NYAP2: variants seen among roughly 807,000 people sequenced by gnomAD.
The protein encoded by NYAP2 is neuronal tyrosine-phosphorylated phosphoinositide-3-kinase adaptor 2.
NYAP2 carries 23 observed loss-of-function variants against 50.4 expected under a neutral mutation model. The observed-to-expected ratio is 0.46, with a 90% CI of 0.33 to 0.65. NYAP2 has a LOEUF of 0.65. Ranked by LOEUF, NYAP2 falls within the 30% of genes least tolerant of loss-of-function variation. The pLI is 0.02. For missense variants in NYAP2, 885 were observed against 861.0 expected, an observed-to-expected ratio of 1.03 and a Z score of -0.35; for synonymous variants, 394 against 365.2, an observed-to-expected ratio of 1.08 and a Z score of -0.90.
At chr2:225,652,384 G>T (rs1346019299) in exon 7 of NYAP2, 3 of 152,148 alleles carry the variant, frequency 2.0e-5, no homozygotes, top group Non-Finnish European at 4.4e-5. Flanking sequence ...TTGGAGAAAA[G>T]AGACAAGAAA....
chr2:225,409,089 A>C, exon 3 of NYAP2: 1 of 1,591,736 alleles, frequency 6.3e-7, no homozygotes, highest in Non-Finnish European at 8.6e-7. Flanking sequence ...AGACAAGAAG[A>C]AGCAATAAAG....
chr2:225,606,403 T>C (rs762929472), intron 5 of NYAP2, among the ~76,000 whole-genome samples: 16 of 152,176 alleles, frequency 1.1e-4, no homozygotes, highest in Non-Finnish European at 1.9e-4. Context: ...AATGTGGTAA[T>C]AGCCCATGCA....
chr2:225,546,747 C>T (rs1196592239), intron 4 of NYAP2, among the ~76,000 whole-genome samples: 1 of 152,042 alleles, frequency 6.6e-6, no homozygotes, highest in Non-Finnish European at 1.5e-5. Context: ...CTGGTTTTCT[C>T]AAGCAGAAGG....
At chr2:225,485,368 C>A (rs992761638) in intron 3 of NYAP2, among the ~76,000 whole-genome samples, 4 of 152,178 alleles carry the variant, frequency 2.6e-5, no homozygotes, top group Non-Finnish European at 5.9e-5. Flanking sequence ...TTATTAACAG[C>A]ATGAGAACTG....
chr2:225,655,927 C>CACACACACACACAT (rs1553561178), downstream of NYAP2, among the ~76,000 whole-genome samples: 1 of 97,184 alleles, frequency 1.0e-5, no homozygotes, highest in Non-Finnish European at 2.4e-5. Flanking sequence ...CACACACACA[C>CACACACACACACAT]ATACACACAT....
chr2:225,543,514 T>C (rs1232646128), intron 4 of NYAP2, among the ~76,000 whole-genome samples: 4 of 152,082 alleles, frequency 2.6e-5, no homozygotes, highest in African/African-American at 9.6e-5. Context: ...TTGGACCCAC[T>C]GGTCATTCAG....
chr2:225,467,127 A>C (rs1039582448), intron 3 of NYAP2, among the ~76,000 whole-genome samples: 1 of 151,952 alleles, frequency 6.6e-6, no homozygotes, highest in African/African-American at 2.4e-5. Context: ...AGTGCTTGGG[A>C]GGAGAACATG....
At chr2:225,566,045 T>G (rs1691954681) in intron 4 of NYAP2, among the ~76,000 whole-genome samples, 1 of 152,148 alleles carries the variant, frequency 6.6e-6, no homozygotes, top group East Asian at 1.9e-4. Context: ...GTAATTCAAT[T>G]TCTCTATAAC....
intron 2 of NYAP2, among the ~76,000 whole-genome samples, chr2:225,408,607 C>A (rs1231135316): frequency 6.6e-6 from 1 of 151,922 alleles, no homozygotes; most frequent in Non-Finnish European, 1.5e-5. Context: ...CAGTATTTAC[C>A]CCTTCCCATC....
At chr2:225,657,928 C>G (rs538631177), downstream of NYAP2, among the ~76,000 whole-genome samples, 26 of 152,340 alleles carry the variant, frequency 1.7e-4, no homozygotes, top group Middle Eastern at 6.8e-3. Flanking sequence ...GTGTGACCAA[C>G]GGCCCCTTCT....
chr2:225,497,082 C>G (rs149513440), intron 3 of NYAP2, among the ~76,000 whole-genome samples: 2 of 152,068 alleles, frequency 1.3e-5, no homozygotes, highest in African/African-American at 4.8e-5. Context: ...CAGCATAAAG[C>G]GGATAATCCA....
At chr2:225,409,587 A>G (rs1454135680) in intron 3 of NYAP2, among the ~76,000 whole-genome samples, 1 of 152,032 alleles carries the variant, frequency 6.6e-6, no homozygotes, top group African/African-American at 2.4e-5. Flanking sequence ...TGCTCTCCCT[A>G]TGCAGACTTT....
chr2:225,593,354 G>T (rs1308697685), intron 5 of NYAP2, among the ~76,000 whole-genome samples: 1 of 152,150 alleles, frequency 6.6e-6, no homozygotes, highest in South Asian at 2.1e-4. Context: ...GGCTTCTTGT[G>T]TGGGGCTTCT....
chr2:225,459,949 G>A (rs113053752), intron 3 of NYAP2, among the ~76,000 whole-genome samples: 1,736 of 152,266 alleles, frequency 0.011, 38 homozygotes, highest in African/African-American at 0.04. Flanking sequence ...TGGGATTACA[G>A]GCATGAGCCA....
intron 3 of NYAP2, among the ~76,000 whole-genome samples, chr2:225,470,834 T>TAC (rs1690002017): frequency 6.6e-6 from 1 of 152,064 alleles, no homozygotes; most frequent in Non-Finnish European, 1.5e-5. Context: ...TGTATATATA[T>TAC]TGAGATGGGG....
intron 4 of NYAP2, among the ~76,000 whole-genome samples, chr2:225,550,300 A>G (rs1691648826): frequency 4.1e-5 from 1 of 24,320 alleles, no homozygotes; most frequent in Non-Finnish European, 1.2e-4. Context: ...CCATATAACC[A>G]TTCTTTTTTT....
chr2:225,595,673 A>G (rs1692583782), intron 5 of NYAP2, among the ~76,000 whole-genome samples: 1 of 152,244 alleles, frequency 6.6e-6, no homozygotes, highest in African/African-American at 2.4e-5. Context: ...TGTAGCCTGC[A>G]GAATTCATTT....
At chr2:225,679,462 C>T in the NYAP2 span, among the ~76,000 whole-genome samples, 1 of 147,378 alleles carries the variant, frequency 6.8e-6, no homozygotes, top group Non-Finnish European at 1.5e-5. Context: ...GTTGGTAATA[C>T]ATTCTCATTT....
chr2:225,444,016 A>G (rs1689512894), intron 3 of NYAP2, among the ~76,000 whole-genome samples: 1 of 152,174 alleles, frequency 6.6e-6, no homozygotes, highest in Non-Finnish European at 1.5e-5. Context: ...TTAGATTCAA[A>G]TGATCTCAAT....
Sources: gnomAD v4.1 joint callset for allele counts (sites outside exome capture counted in the v4.1 genomes callset) on GRCh38, gnomAD v4.1.1 for gene constraint, MANE v1.5 for transcripts, NCBI Gene and HGNC (gene_info 2026-07-23, HGNC 2026-07-21) for gene names.